The following SLC4A4 variants were observed in gnomAD, a reference collection of about 807,000 sequenced individuals.
SLC4A4 encodes the protein solute carrier family 4 member 4.
Under a neutral mutation model 111.5 loss-of-function variants are expected in SLC4A4, and 27 were observed. The observed-to-expected ratio is 0.24, with a 90% CI of 0.18 to 0.33. The LOEUF is 0.33. Ranked by LOEUF, SLC4A4 falls within the 10% of genes least tolerant of loss-of-function variation. The pLI is 1.00. For missense variants in SLC4A4, 909 were observed against 1,315.5 expected, an observed-to-expected ratio of 0.69 and a Z score of 4.78; for synonymous variants, 443 against 463.4, an observed-to-expected ratio of 0.96 and a Z score of 0.57.
At chr4:71,215,656 A>G (rs948623561) in intron 1 of SLC4A4, among the ~76,000 whole-genome samples, 32 of 152,182 alleles carry the variant, frequency 2.1e-4, no homozygotes, top group Non-Finnish European at 4.1e-4. Flanking sequence ...TAACCTCAGG[A>G]CATTAACTTT....
Position 71,361,147 on chromosome 4 carries a change from G to A in SLC4A4, c.730+3960G>A, listed in dbSNP as rs117629121. On this transcript the variant is annotated intron_variant, in intron 6 of 25. Coordinates refer to ENST00000264485, the MANE Select transcript of SLC4A4 (RefSeq NM_001098484.3). Reference sequence around the variant, plus strand: ...TCCAGGAACCCCTCTATACTTGGTTGTGACAATATCCTTTATAACAGTAAA... The same window carrying A: ...TCCAGGAACCCCTCTATACTTGGTTATGACAATATCCTTTATAACAGTAAA... Among the ~76,000 whole-genome samples the A allele has an allele frequency of 5.3e-4, 81 of 152,270 alleles. No individual in the cohort carries two copies. The East Asian group carries it at 0.014, about 27-fold the overall frequency.
chr4:71,386,835 C>T (rs1005482354), intron 6 of SLC4A4, among the ~76,000 whole-genome samples: 1 of 152,140 alleles, frequency 6.6e-6, no homozygotes, highest in African/African-American at 2.4e-5. Flanking sequence ...TTGACTTCCT[C>T]TCTTAAACCA....
At chr4:71,199,791 C>T (rs550000338) in intron 1 of SLC4A4, among the ~76,000 whole-genome samples, 1 of 152,190 alleles carries the variant, frequency 6.6e-6, no homozygotes, top group African/African-American at 2.4e-5. Flanking sequence ...GCTGGGACTA[C>T]AGGAGCGCAC....
intron 3 of SLC4A4, among the ~76,000 whole-genome samples, chr4:71,256,853 T>C (rs922816087): frequency 6.6e-6 from 1 of 152,218 alleles, no homozygotes; most frequent in African/African-American, 2.4e-5. Context: ...CTGTCCATTG[T>C]GCATGTGATT....
At chr4:71,508,928 G>A (rs745652403) in intron 16 of SLC4A4, among the ~76,000 whole-genome samples, 2 of 152,132 alleles carry the variant, frequency 1.3e-5, no homozygotes, top group Non-Finnish European at 2.9e-5. Context: ...CTTCATCTCT[G>A]GGATGCAAGG....
In SLC4A4 at chr4:71,370,456, A is replaced by T. The variant is rs190425247; in HGVS notation, c.730+13269A>T. ...TTAATGATGCCTCTTGGGGAAAAAA[A>T]TTTCAGGTAAAAAGTTTGGGCCTTG... On this transcript the variant is annotated intron_variant, in intron 6 of 25. Coordinates refer to ENST00000264485, the MANE Select transcript of SLC4A4 (RefSeq NM_001098484.3). Among the ~76,000 whole-genome samples, 245 of 152,294 alleles carry T rather than the reference A, an allele frequency of 1.6e-3. 2 individuals are homozygous for T. The highest frequency in any genetic ancestry group is 5.2e-3 in the African/African-American group (217 of 41,580).
At chr4:71,178,623 T>A (rs1700608390) in intron 2 of SLC4A4, among the ~76,000 whole-genome samples, 1 of 152,190 alleles carries the variant, frequency 6.6e-6, no homozygotes, top group African/African-American at 2.4e-5. Context: ...GATACATTCC[T>A]CAACCCATAC....
chr4:71,386,672 A>G (rs4371585), intron 6 of SLC4A4, among the ~76,000 whole-genome samples: 3,806 of 151,522 alleles, frequency 0.025, 159 homozygotes, highest in East Asian at 0.15. Context: ...TCCTTGTTCT[A>G]TTTTTCATAG....
At chr4:71,176,097 C>A (rs1395415906) in intron 2 of SLC4A4, among the ~76,000 whole-genome samples, 1 of 152,226 alleles carries the variant, frequency 6.6e-6, no homozygotes, top group Non-Finnish European at 1.5e-5. Context: ...TAAACTCCAA[C>A]AGACCTGCAG....
intron 2 of SLC4A4, among the ~76,000 whole-genome samples, chr4:71,134,799 A>T (rs1022876328): frequency 6.6e-6 from 1 of 151,786 alleles, no homozygotes; most frequent in Admixed American, 6.6e-5. Context: ...GTTACTGTGG[A>T]CCCCAGTCCT....
At chr4:71,306,564 AGAGT>A (rs1479885240) in intron 3 of SLC4A4, among the ~76,000 whole-genome samples, 1 of 152,148 alleles carries the variant, frequency 6.6e-6, no homozygotes, top group Non-Finnish European at 1.5e-5. Context: ...GTTTGGCAAC[AGAGT>A]GAGACTCCGT....
At chr4:71,410,130 G>A (rs1721238286) in intron 7 of SLC4A4, among the ~76,000 whole-genome samples, 1 of 152,210 alleles carries the variant, frequency 6.6e-6, no homozygotes, top group Admixed American at 6.5e-5. Flanking sequence ...TTAGGTCAGT[G>A]CAGAAGGGAA....
intron 1 of SLC4A4, among the ~76,000 whole-genome samples, chr4:71,085,305 G>A (rs912413265): frequency 1.4e-3 from 214 of 152,010 alleles, no homozygotes; most frequent in Non-Finnish European, 2.3e-3. Flanking sequence ...CTGGATATTA[G>A]CCCTTTGTCA....
At chr4:71,270,971 T>C (rs1002835923) in intron 3 of SLC4A4, among the ~76,000 whole-genome samples, 13 of 152,242 alleles carry the variant, frequency 8.5e-5, no homozygotes, top group African/African-American at 2.7e-4. Context: ...ATTTCCATCC[T>C]GCCTCTTCTC....
At chr4:71,489,742 T>C (rs1321274350) in intron 15 of SLC4A4, among the ~76,000 whole-genome samples, 1 of 151,620 alleles carries the variant, frequency 6.6e-6, no homozygotes, top group Non-Finnish European at 1.5e-5. Flanking sequence ...CAGGACTTAA[T>C]TTTCCTTTTT....
At chr4:71,156,797 A>G (rs758755212) in intron 2 of SLC4A4, among the ~76,000 whole-genome samples, 1 of 152,168 alleles carries the variant, frequency 6.6e-6, no homozygotes, top group Non-Finnish European at 1.5e-5. Flanking sequence ...TTTCATCAGC[A>G]GTAGTTTTTG....
chr4:71,565,877 G>A (rs887705696), intron 24 of SLC4A4, among the ~76,000 whole-genome samples: 1 of 151,762 alleles, frequency 6.6e-6, no homozygotes, highest in African/African-American at 2.4e-5. Flanking sequence ...GGGTATCTCC[G>A]TAGGGCTCCC....
chr4:71,111,574 G>A (rs941818296), intron 2 of SLC4A4, among the ~76,000 whole-genome samples: 4 of 123,084 alleles, frequency 3.2e-5, no homozygotes, highest in Non-Finnish European at 4.9e-5. Flanking sequence ...AGAGATGGGG[G>A]TTTCACCATG....
intron 4 of SLC4A4, 53 bp downstream of exon 4, chr4:71,339,558 C>T (rs1240500481): frequency 6.3e-7 from 1 of 1,575,904 alleles, no homozygotes; most frequent in African/African-American, 1.3e-5. Flanking sequence ...AAGGGCAGGG[C>T]AAGATGCTTG....
Sources: allele counts gnomAD v4.1 joint callset (sites outside exome capture counted in the v4.1 genomes callset), GRCh38; gene constraint gnomAD v4.1.1; transcripts MANE v1.5; gene names NCBI Gene and HGNC (gene_info 2026-07-23, HGNC 2026-07-21).